SV2C: variants seen among roughly 807,000 people sequenced by gnomAD.
SV2C encodes synaptic vesicle glycoprotein 2C, also known as solute carrier family 22 member B3.
A neutral mutation model predicts 79.7 loss-of-function variants in SV2C; 49 were observed. The observed-to-expected ratio is 0.61, with a 90% CI of 0.49 to 0.78. The LOEUF (loss-of-function observed/expected upper bound fraction) is 0.78. SV2C is among the 30% of genes least tolerant of loss of function. The pLI is 0.00. For synonymous variants in SV2C, 334 were observed against 333.2 expected (o/e 1.00, Z -0.03); for missense variants, 833 against 912.9 (o/e 0.91, Z 1.13).
the SV2C span, among the ~76,000 whole-genome samples, chr5:75,985,691 T>TA: frequency 8.6e-5 from 13 of 151,476 alleles, no homozygotes; most frequent in African/African-American, 2.4e-4. Flanking sequence ...AAAGTAATGT[T>TA]AAAAAAAAGT....
At chr5:76,229,070 T>G (rs1422753606) in intron 4 of SV2C, among the ~76,000 whole-genome samples, 1 of 152,226 alleles carries the variant, frequency 6.6e-6, no homozygotes, top group Non-Finnish European at 1.5e-5. Context: ...CCACAAAACG[T>G]GTCCTCCAAA....
the SV2C span, among the ~76,000 whole-genome samples, chr5:75,897,844 T>A: frequency 1.7e-4 from 26 of 151,918 alleles, no homozygotes; most frequent in Non-Finnish European, 3.4e-4. Flanking sequence ...TAAATGGGAG[T>A]TCACTCATGA....
chr5:76,258,391 C>T (rs1746360727), intron 4 of SV2C, among the ~76,000 whole-genome samples: 1 of 152,116 alleles, frequency 6.6e-6, no homozygotes, highest in Non-Finnish European at 1.5e-5. Flanking sequence ...TCTTCCAGGG[C>T]TGCAAATGTC....
At chr5:75,860,814 T>C in the SV2C span, among the ~76,000 whole-genome samples, 1 of 152,142 alleles carries the variant, frequency 6.6e-6, no homozygotes, top group African/African-American at 2.4e-5. Flanking sequence ...TTGACAAAGC[T>C]GACAGAAATA....
intron 4 of SV2C, among the ~76,000 whole-genome samples, chr5:76,284,009 A>G (rs888012281): frequency 1.3e-5 from 2 of 152,258 alleles, no homozygotes; most frequent in Non-Finnish European, 2.9e-5. Context: ...AAAAAGGCAT[A>G]TAAATACCAA....
chr5:75,896,972 T>C, the SV2C span, among the ~76,000 whole-genome samples: 1 of 144,634 alleles, frequency 6.9e-6, no homozygotes, highest in Non-Finnish European at 1.5e-5. Flanking sequence ...ATATTAGCCT[T>C]TTGTCAGATG....
intron 2 of SV2C, among the ~76,000 whole-genome samples, chr5:76,158,733 A>G (rs781634865): frequency 1.3e-5 from 2 of 152,200 alleles, no homozygotes; most frequent in Non-Finnish European, 2.9e-5. Context: ...TGAATAATTA[A>G]TACCAATTCT....
chr5:76,176,135 A>C (rs1743521474), intron 2 of SV2C, among the ~76,000 whole-genome samples: 1 of 152,144 alleles, frequency 6.6e-6, no homozygotes, highest in Non-Finnish European at 1.5e-5. Context: ...ACACACACAC[A>C]GGGAGCCAAA....
intron 4 of SV2C, among the ~76,000 whole-genome samples, chr5:76,263,217 GT>G (rs1333676310): frequency 6.6e-6 from 1 of 151,954 alleles, no homozygotes; most frequent in Non-Finnish European, 1.5e-5. Flanking sequence ...ATCTTTGTTG[GT>G]TTAAAGTCTG....
At chr5:76,014,855 T>C in the SV2C span, among the ~76,000 whole-genome samples, 1 of 152,172 alleles carries the variant, frequency 6.6e-6, no homozygotes, top group Non-Finnish European at 1.5e-5. Flanking sequence ...ATGTAGAAAT[T>C]TCCTTTTTTA....
the SV2C span, among the ~76,000 whole-genome samples, chr5:76,066,114 T>C: frequency 6.6e-6 from 1 of 152,016 alleles, no homozygotes; most frequent in African/African-American, 2.4e-5. Flanking sequence ...ACCCAAAGGA[T>C]TATAAATCAT....
intron 4 of SV2C, among the ~76,000 whole-genome samples, chr5:76,274,216 CTT>C (rs1746956356): frequency 6.6e-6 from 1 of 152,228 alleles, no homozygotes; most frequent in Non-Finnish European, 1.5e-5. Context: ...GCTTGCAACT[CTT>C]TGAAAAGCTT....
At chr5:76,052,373 C>T in the SV2C span, among the ~76,000 whole-genome samples, 3 of 152,136 alleles carry the variant, frequency 2.0e-5, no homozygotes, top group African/African-American at 7.2e-5. Flanking sequence ...GGTGAATTGC[C>T]TTCATGATGG....
intron 4 of SV2C, among the ~76,000 whole-genome samples, chr5:76,274,100 G>T (rs181069497): frequency 6.8e-4 from 104 of 152,256 alleles, no homozygotes; most frequent in Non-Finnish European, 4.3e-4. Context: ...ATTAACATTC[G>T]TTTAGTTCAG....
At chr5:76,165,758 G>T (rs28581866) in intron 2 of SV2C, among the ~76,000 whole-genome samples, 53,409 of 151,990 alleles carry the variant, frequency 0.35, 9,566 homozygotes, top group South Asian at 0.44. Context: ...TTGTTGTTAG[G>T]TTAAGACCAA....
the SV2C span, among the ~76,000 whole-genome samples, chr5:75,905,972 C>T: frequency 6.8e-6 from 1 of 147,958 alleles, no homozygotes; most frequent in Non-Finnish European, 1.5e-5. Flanking sequence ...CTGATGTTCT[C>T]ATAAGAGGAG....
At chr5:75,946,050 A>C in the SV2C span, among the ~76,000 whole-genome samples, 215 of 152,204 alleles carry the variant, frequency 1.4e-3, 2 homozygotes, top group Middle Eastern at 3.4e-3. Context: ...AGCAAGGAGG[A>C]AAATGCAAAT....
intron 1 of SV2C, among the ~76,000 whole-genome samples, chr5:76,130,556 G>C (rs1046905710): frequency 2.6e-5 from 4 of 152,198 alleles, no homozygotes; most frequent in African/African-American, 9.7e-5. Context: ...TGATGGGGGA[G>C]AAAGACTTTT....
intron 12 of SV2C, among the ~76,000 whole-genome samples, chr5:76,305,729 C>G (rs1436768221): frequency 6.6e-6 from 1 of 152,180 alleles, no homozygotes; most frequent in East Asian, 1.9e-4. Flanking sequence ...AACCATTTTT[C>G]CATTCTGTAA....
Sources: gnomAD v4.1 joint callset for allele counts (sites outside exome capture counted in the v4.1 genomes callset) on GRCh38, gnomAD v4.1.1 for gene constraint, MANE v1.5 for transcripts, NCBI Gene and HGNC (gene_info 2026-07-23, HGNC 2026-07-21) for gene names.